The following GUCY1B1 variants were observed in gnomAD, a reference collection of about 807,000 sequenced individuals.
GUCY1B1 encodes the protein guanylate cyclase soluble subunit beta-1.
GUCY1B1 carries 43 observed loss-of-function variants against 71.0 expected under a neutral mutation model. The ratio of observed to expected loss-of-function variants is 0.61; its 90% confidence interval spans 0.47 to 0.78. GUCY1B1 has a LOEUF of 0.78. GUCY1B1 is among the 30% of genes least tolerant of loss of function. GUCY1B1 has a pLI of 0.00. For missense variants in GUCY1B1, 535 were observed against 754.1 expected, an observed-to-expected ratio of 0.71 and a Z score of 3.40; for synonymous variants, 266 against 259.7, an observed-to-expected ratio of 1.02 and a Z score of -0.23.
Position 155,803,674 on chromosome 4 carries a change from A to G in GUCY1B1, c.1464A>G (p.Pro488=). ...TGACAGTGAGTGGTTTACCAGAGCC[A>G]TGCATTCACCATGCACGATCCATCT... ...KYMTVSGLPE[P]CIHHARSICH... is the part of the protein sequence containing the mutation. The change falls in exon 11 of 14, where the codon CCA becomes CCG. Residue 488 remains proline, a synonymous_variant. Transcript: ENST00000264424. The G allele has an allele frequency of 1.2e-6, 2 of 1,604,312 alleles. No homozygotes were observed. The highest frequency in any genetic ancestry group is 1.7e-6 in the Non-Finnish European group (2 of 1,174,180).
At chr4:155,801,619 G>T (rs1389691260) in intron 9 of GUCY1B1, among the ~76,000 whole-genome samples, 1 of 152,118 alleles carries the variant, frequency 6.6e-6, no homozygotes, top group African/African-American at 2.4e-5. Context: ...GAAAAAGGCA[G>T]GAAGGCTTCA....
chr4:155,767,211 A>G (rs1019322054), intron 2 of GUCY1B1, among the ~76,000 whole-genome samples: 1 of 152,202 alleles, frequency 6.6e-6, no homozygotes, highest in Non-Finnish European at 1.5e-5. Flanking sequence ...GTTTATGTGT[A>G]TTAGTACTGC....
chr4:155,785,044 A>G (rs946903579), intron 4 of GUCY1B1, among the ~76,000 whole-genome samples: 9 of 152,160 alleles, frequency 5.9e-5, no homozygotes, highest in South Asian at 2.1e-4. Flanking sequence ...TCTTTTATAA[A>G]TGATAAATGC....
chr4:155,781,161 A>G (rs1275906712), intron 4 of GUCY1B1, among the ~76,000 whole-genome samples: 3 of 152,238 alleles, frequency 2.0e-5, no homozygotes, highest in Non-Finnish European at 4.4e-5. Context: ...TAGACACAGC[A>G]TATAATAGGC....
At chr4:155,797,368 A>G (rs547619213) in intron 8 of GUCY1B1, among the ~76,000 whole-genome samples, 40 of 152,296 alleles carry the variant, frequency 2.6e-4, no homozygotes, top group African/African-American at 9.1e-4. Flanking sequence ...GAAAAATGTA[A>G]TACACTTTGT....
intron 8 of GUCY1B1, among the ~76,000 whole-genome samples, chr4:155,797,931 A>ATTCTT (rs1268486203): frequency 7.2e-5 from 11 of 152,076 alleles, no homozygotes; most frequent in Non-Finnish European, 1.5e-5. Flanking sequence ...TTTTAAAAAA[A>ATTCTT]TTATTAAGCT....
Position 155,802,467 on chromosome 4 carries a change from G to A in GUCY1B1, c.1301G>A (p.Cys434Tyr). ...FSGIVGFNAF[C>Y]SKHASGEGAM... ...GGCATTGTGGGCTTCAATGCTTTCT[G>A]TAGCAAGCATGCATCTGGAGAAGGA... The change falls in exon 10 of 14, where the codon TGT (cysteine) becomes TAT (tyrosine). Residue 434 changes from cysteine to tyrosine, a missense_variant. Cys to Tyr is a radical substitution (Grantham distance 194). Transcript: ENST00000264424. The surrounding 1 kb of genome is among the most constrained non-coding windows in gnomAD (Gnocchi z 4.3). The A allele has an allele frequency of 6.2e-7, 1 of 1,613,772 alleles. No homozygotes were observed. Among genetic ancestry groups the A allele is most frequent in the Non-Finnish European group, 8.5e-7 (1 of 1,179,738 alleles).
intron 12 of GUCY1B1, 62 bp downstream of exon 12, chr4:155,804,809 TA>T (rs1380123808): frequency 7.0e-7 from 1 of 1,421,282 alleles, no homozygotes; most frequent in Non-Finnish European, 9.8e-7. Context: ...GCATGTGGTT[TA>T]ATTCTCTGAG....
At chr4:155,772,581 TA>T in intron 2 of GUCY1B1, 123 of 599,568 alleles carry the variant, frequency 2.1e-4, no homozygotes, top group South Asian at 2.5e-4. Context: ...CACACCTGCC[TA>T]ATTTTTTTTT....
Position 155,800,050 on chromosome 4 carries a change from A to T in GUCY1B1, c.1151A>T (p.Glu384Val). 1.2e-6 allele frequency: 2 copies of T among 1,612,146 alleles called. No homozygotes were observed. The highest frequency in any genetic ancestry group is 1.7e-6 in the Non-Finnish European group (2 of 1,178,822). ...DRLQLTLRAL[E>V]DEKKKTDTLL... The stretch of plus-strand genomic sequence containing the variant: ...CTACAGCTCACGTTAAGAGCCCTGG[A>T]AGATGAAAAGAAAAAGACAGACACG... Residue 384 changes from glutamate (E) to valine (V), a missense_variant, in exon 9 of 14, where the codon GAA becomes GTA. Glu to Val is a moderately radical substitution (Grantham distance 121, BLOSUM62 -2). Transcript: ENST00000264424.
intron 4 of GUCY1B1, among the ~76,000 whole-genome samples, chr4:155,779,274 G>T (rs1193669816): frequency 6.6e-6 from 1 of 152,194 alleles, no homozygotes; most frequent in South Asian, 2.1e-4. Context: ...GGGTGACAGA[G>T]TGAGACCCTG....
chr4:155,789,824 C>T lies in GUCY1B1; in HGVS notation c.408C>T (p.Tyr136=), dbSNP rs767379214. 12 of 1,610,684 alleles carry T rather than the reference C, an allele frequency of 7.5e-6. No individual in the cohort carries two copies. Among genetic ancestry groups the T allele is most frequent in the Non-Finnish European group, 5.1e-6 (6 of 1,177,020 alleles). ...EKGKGLILHY[Y]SEREGLQDIV... ...GCAAAGGACTCATTTTGCACTACTA[C>T]TCAGAGAGAGAAGGACTTCAGGATA... Residue 136 remains tyrosine (Y), a synonymous_variant, in exon 5 of 14, where the codon TAC becomes TAT. Transcript: ENST00000264424.
intron 3 of GUCY1B1, among the ~76,000 whole-genome samples, chr4:155,776,867 A>G (rs1738087051): frequency 6.6e-6 from 1 of 152,128 alleles, no homozygotes; most frequent in African/African-American, 2.4e-5. Context: ...TGTTTTTTGG[A>G]AAAAAGAAGT....
chr4:155,775,148 A>C, intron 3 of GUCY1B1, 80 bp downstream of exon 3: 1 of 798,432 alleles, frequency 1.3e-6, no homozygotes, highest in Non-Finnish European at 2.2e-6. Flanking sequence ...ATCACAACGC[A>C]GGGTTACAGA....
In GUCY1B1 at chr4:155,798,283, A is replaced by G. The variant is rs551534229; in HGVS notation, c.978-1594A>G. Among the ~76,000 whole-genome samples, 127 of 152,300 alleles carry G rather than the reference A, an allele frequency of 8.3e-4. 2 individuals are homozygous for G. The highest frequency in any genetic ancestry group is 1.5e-3 in the Non-Finnish European group (101 of 68,020). ...TTAGTTTGAATTTAGAAAAAACTTAATGGTTCATTAAAATAATGATATAGG... is the reference window on the plus strand; with the variant it reads ...TTAGTTTGAATTTAGAAAAAACTTAGTGGTTCATTAAAATAATGATATAGG... On this transcript the variant is annotated intron_variant, in intron 8 of 13. Coordinates refer to ENST00000264424, the MANE Select transcript of GUCY1B1 (RefSeq NM_000857.5).
chr4:155,777,876 A>C (rs1168531363), intron 4 of GUCY1B1, among the ~76,000 whole-genome samples: 2 of 152,170 alleles, frequency 1.3e-5, no homozygotes, highest in Admixed American at 6.5e-5. Flanking sequence ...GCAAGTTGTA[A>C]ATTAATGTTC....
intron 5 of GUCY1B1, among the ~76,000 whole-genome samples, chr4:155,791,220 T>C (rs1024716999): frequency 2.0e-5 from 3 of 151,298 alleles, no homozygotes; most frequent in Admixed American, 6.6e-5. Context: ...GTTCACGCCA[T>C]TCTCCTGCCT....
chr4:155,773,986 C>T (rs1370426371), intron 2 of GUCY1B1, among the ~76,000 whole-genome samples: 1 of 152,196 alleles, frequency 6.6e-6, no homozygotes. Flanking sequence ...CGCGCCCAGC[C>T]CACCAACACT....
rs181064221 is a variant in GUCY1B1, at chr4:155,767,148, C to A, written c.77+7288C>A. ...ATGTGTTTTCCTCCAAAGAGAAAGA[C>A]CTATAACCTTCTTCTTTCCAAAGAC... On this transcript the variant is annotated intron_variant, in intron 2 of 13. Transcript: ENST00000264424. 5.9e-5 allele frequency among the ~76,000 whole-genome samples: 9 copies of A among 152,210 alleles called. No homozygotes were observed. In the East Asian group the frequency reaches 1.7e-3, roughly 29 times the overall value.
Sources: allele counts gnomAD v4.1 joint callset (sites outside exome capture counted in the v4.1 genomes callset), GRCh38; gene constraint gnomAD v4.1.1; non-coding constraint Gnocchi (gnomAD v3.1); transcripts MANE v1.5; gene names NCBI Gene and HGNC (gene_info 2026-07-23, HGNC 2026-07-21).